The following VCAN variants were observed in gnomAD, a reference collection of about 807,000 sequenced individuals.
The protein encoded by VCAN is versican core protein.
In VCAN, 44 loss-of-function variants were observed where a neutral mutation model predicts 245.5. The observed-to-expected ratio is 0.18, with a 90% CI of 0.14 to 0.23. VCAN has a LOEUF of 0.23. Ranked by LOEUF, VCAN falls within the 10% of genes least tolerant of loss-of-function variation. The pLI is 1.00. For missense variants in VCAN, 3,793 were observed against 4,057.9 expected (o/e 0.93, Z 1.77); for synonymous variants, 1,413 against 1,437.0 (o/e 0.98, Z 0.38).
chr5:83,572,280 C>T, intron 12 of VCAN, 136 bp from the exon 13 acceptor site: 5 of 1,071,656 alleles, frequency 4.7e-6, no homozygotes, highest in Non-Finnish European at 5.7e-6. Flanking sequence ...TTTTCTGTAC[C>T]ACCAAAATAA....
At position 83,512,120 on chromosome 5, in the gene VCAN, A is replaced by G; in HGVS notation, c.766A>G (p.Thr256Ala). Residue 256 changes from threonine (T) to alanine (A), a missense_variant, in exon 6 of 15, where the codon ACT becomes GCT. By Grantham distance (58) the Thr-to-Ala change is moderately conservative. This residue lies in a region of VCAN where 190 missense variants were observed against 288.6 expected (regional missense o/e 0.66). Coordinates refer to ENST00000265077, the MANE Select transcript of VCAN (RefSeq NM_004385.5). ...TTTTCCAGGTGATGTGTTCCACCTC[A>G]CTGTCCCCAGTAAATTCACCTTCGA... ...DHLDGDVFHL[T>A]VPSKFTFEEA... 1 of 1,613,892 alleles carries G rather than the reference A, an allele frequency of 6.2e-7. No individual in the cohort carries two copies. The highest frequency in any genetic ancestry group is 8.5e-7 in the Non-Finnish European group (1 of 1,179,970).
In VCAN at chr5:83,520,755, T is replaced by C. The variant is rs146751724; in HGVS notation, c.2449T>C (p.Ser817Pro). Reference sequence around the variant, plus strand: ...TAATACAACATCCAAGCCTTTAGAGTCTACAGAACCTTCAGCCTCTTCAAA... The same window carrying C: ...TAATACAACATCCAAGCCTTTAGAGCCTACAGAACCTTCAGCCTCTTCAAA... Reference protein sequence around the residue: ...EDNTTSKPLESTEPSASSKLP... With the variant: ...EDNTTSKPLEPTEPSASSKLP... Residue 817 changes from serine to proline, a missense_variant, in exon 7 of 15, where the codon TCT becomes CCT. Physicochemically the swap from Ser to Pro is moderately conservative, Grantham distance 74. Transcript: ENST00000265077. 19 of 1,613,876 alleles carry C rather than the reference T, an allele frequency of 1.2e-5. No individual in the cohort carries two copies. Among genetic ancestry groups the C allele is most frequent in the Non-Finnish European group, 1.6e-5 (19 of 1,179,988 alleles).
chr5:83,490,910 CTT>C (rs1314793856), intron 3 of VCAN, among the ~76,000 whole-genome samples: 49 of 152,038 alleles, frequency 3.2e-4, no homozygotes, highest in African/African-American at 1.1e-3. Flanking sequence ...TTTTTTCTCT[CTT>C]AATATGATTA....
At position 83,519,828 on chromosome 5, in the gene VCAN, A is replaced by G. The variant is rs949248401; in HGVS notation, c.1522A>G (p.Ile508Val). 5.6e-6 allele frequency: 9 copies of G among 1,614,022 alleles called. No individual in the cohort carries two copies. Among genetic ancestry groups the G allele is most frequent in the African/African-American group, 1.3e-5 (1 of 74,918 alleles). The change falls in exon 7 of 15, where the codon ATT (isoleucine) becomes GTT (valine). Residue 508 changes from isoleucine to valine, a missense_variant. Coordinates refer to ENST00000265077, the MANE Select transcript of VCAN (RefSeq NM_004385.5). ...LVTSMEILKH[I>V]PSKEFPVTET... ...AACATCTATGGAAATCTTAAAGCACATTCCTTCCAAGGAATTCCCTGTAAC... is the reference window on the plus strand; with the variant it reads ...AACATCTATGGAAATCTTAAAGCACGTTCCTTCCAAGGAATTCCCTGTAAC...
chr5:83,513,332 T>G (rs574993639), intron 6 of VCAN, among the ~76,000 whole-genome samples: 225 of 152,350 alleles, frequency 1.5e-3, no homozygotes, highest in African/African-American at 5.3e-3. Flanking sequence ...ATTTCCAATG[T>G]ATCTTGTTAT....
In VCAN at chr5:83,529,228, G is replaced by T. The variant is rs180700443; in HGVS notation, c.4003+6919G>T. ...GAAGAGGCAGTTATTGTGATAGAAA[G>T]AGCCTTTGGAAAGAGACCTGGGTTC... is the stretch of plus-strand genomic sequence containing the variant. On this transcript the variant is annotated intron_variant, in intron 7 of 14. Transcript: ENST00000265077. Among the ~76,000 whole-genome samples, 60 of 151,154 alleles carry T rather than the reference G, an allele frequency of 4.0e-4. No individual in the cohort carries two copies. The East Asian group carries it at 8.9e-3, about 23-fold the overall frequency.
chr5:83,550,493 A>G (rs1412196647), intron 10 of VCAN, among the ~76,000 whole-genome samples: 1 of 152,254 alleles, frequency 6.6e-6, no homozygotes, highest in African/African-American at 2.4e-5. Flanking sequence ...AAAAACAAAT[A>G]GACTATTTCT....
intron 12 of VCAN, among the ~76,000 whole-genome samples, chr5:83,558,136 CT>C (rs1747740136): frequency 1.3e-5 from 2 of 152,130 alleles, no homozygotes; most frequent in African/African-American, 4.8e-5. Context: ...TATCCTTTTC[CT>C]CTCTGAAACA....
intron 1 of VCAN, among the ~76,000 whole-genome samples, chr5:83,476,686 G>A (rs1359765597): frequency 6.6e-6 from 1 of 151,588 alleles, no homozygotes. Context: ...GTGTGTGTGG[G>A]GGGTGCGTGT....
chr5:83,488,160 A>G (rs1337266319), intron 2 of VCAN, among the ~76,000 whole-genome samples: 1 of 152,174 alleles, frequency 6.6e-6, no homozygotes, highest in African/African-American at 2.4e-5. Flanking sequence ...TCTCAGAACA[A>G]TATCTTTGTG....
In VCAN at chr5:83,493,728, G is replaced by A. The variant is rs1369713510; in HGVS notation, c.620+8G>A. 2 of 1,614,150 alleles carry A rather than the reference G, an allele frequency of 1.2e-6. No individual in the cohort carries two copies. Among genetic ancestry groups the A allele is most frequent in the South Asian group, 2.2e-5 (2 of 91,082 alleles). On this transcript the variant is annotated splice_region_variant and intron_variant, in intron 4 of 14. Transcript: ENST00000265077. The stretch of plus-strand genomic sequence containing the variant: ...GGCTGATCAGACTGTCAGGTAAGAG[G>A]TCTGGGGGCCACAGGCTTCATTATT...
intron 11 of VCAN, 48 bp downstream of exon 11, chr5:83,553,570 C>T (rs1199769117): frequency 6.2e-7 from 1 of 1,612,190 alleles, no homozygotes; most frequent in Non-Finnish European, 8.5e-7. Context: ...CTTCTCATCA[C>T]TCTCTTAGTT....
intron 5 of VCAN, among the ~76,000 whole-genome samples, chr5:83,511,314 G>A (rs1745648590): frequency 6.6e-6 from 1 of 151,934 alleles, no homozygotes. Flanking sequence ...GGGTGTCTTT[G>A]TAAGAATTAG....
rs780629672 is a variant in VCAN, at chr5:83,520,043, C to G, written c.1737C>G (p.Val579=). ...TGATCTTTGACCAAATTCCTGAAGT[C>G]ATTACGGTGTCAAAGACTTCAGAAG... ...STLIFDQIPE[V]ITVSKTSEDT... The change falls in exon 7 of 15, where the codon GTC becomes GTG. Residue 579 remains valine, a synonymous_variant. Transcript: ENST00000265077. The G allele has an allele frequency of 6.2e-7, 1 of 1,614,030 alleles. No homozygotes were observed. The highest frequency in any genetic ancestry group is 1.1e-5 in the South Asian group (1 of 91,054).
At chr5:83,522,345 A>G in intron 7 of VCAN, 36 bp downstream of exon 7, 1 of 1,593,800 alleles carries the variant, frequency 6.3e-7, no homozygotes, top group Non-Finnish European at 8.5e-7. Context: ...ATTGAAGGCA[A>G]TCCTCATTTT....
intron 7 of VCAN, among the ~76,000 whole-genome samples, chr5:83,527,295 C>G (rs191422376): frequency 5.3e-5 from 8 of 152,306 alleles, no homozygotes; most frequent in African/African-American, 1.7e-4. Context: ...CAGCTTCTTT[C>G]CTGTAGAGTT....
chr5:83,510,772 C>T (rs1225776081), intron 5 of VCAN, among the ~76,000 whole-genome samples: 1 of 152,036 alleles, frequency 6.6e-6, no homozygotes, highest in Non-Finnish European at 1.5e-5. Context: ...ATGAATATAC[C>T]CTCTGCTAAT....
chr5:83,550,275 T>G (rs1269400587), intron 10 of VCAN, among the ~76,000 whole-genome samples: 1 of 152,218 alleles, frequency 6.6e-6, no homozygotes, highest in Non-Finnish European at 1.5e-5. Context: ...TCTATGTTCA[T>G]GAACAGGAGC....
chr5:83,537,644 T>G lies in VCAN; in HGVS notation c.4641T>G (p.Ser1547=), dbSNP rs772293947. 3.1e-6 allele frequency: 5 copies of G among 1,613,714 alleles called. No homozygotes were observed. The Admixed American group carries it at 5.0e-5, about 16-fold the overall frequency. The change falls in exon 8 of 15, where the codon TCT becomes TCG. Residue 1547 remains serine, a synonymous_variant. Transcript: ENST00000265077. ...CTGTATCTCTGTTTCCTGAAGAGTC[T>G]TCAGGAGAGATTGCCATTGACCAAG... is the stretch of plus-strand genomic sequence containing the variant. The part of the protein sequence containing the change: ...TEPVSLFPEE[S]SGEIAIDQES...
Sources: allele counts gnomAD v4.1 joint callset (sites outside exome capture counted in the v4.1 genomes callset), GRCh38; gene constraint gnomAD v4.1.1; regional missense constraint gnomAD v4.1.1; transcripts MANE v1.5; gene names NCBI Gene and HGNC (gene_info 2026-07-23, HGNC 2026-07-21).